ARHGAP6: variants seen among roughly 807,000 people sequenced by gnomAD.
The protein encoded by ARHGAP6 is Rho GTPase activating protein 6, also known as rho GTPase-activating protein 6.
A neutral mutation model predicts 55.7 loss-of-function variants in ARHGAP6; 16 were observed. The ratio of observed to expected loss-of-function variants is 0.29; its 90% confidence interval spans 0.19 to 0.44. The LOEUF (loss-of-function observed/expected upper bound fraction) is 0.44, where lower values mean the gene tolerates loss of function less well. Ranked by LOEUF, ARHGAP6 falls within the 20% of genes least tolerant of loss-of-function variation. The pLI is 1.00. For synonymous variants in ARHGAP6, 382 were observed against 360.9 expected (o/e 1.06, Z -0.66); for missense variants, 698 against 808.9 (o/e 0.86, Z 1.66).
chrX:11,573,156 G>C (rs1288828992), intron 1 of ARHGAP6, among the ~76,000 whole-genome samples: 1 of 110,950 alleles, frequency 9.0e-6, no homozygotes. Flanking sequence ...TCTGATGGTA[G>C]TTTCTTTTGC....
intron 1 of ARHGAP6, among the ~76,000 whole-genome samples, chrX:11,440,935 G>A (rs2050033358): frequency 1.8e-5 from 2 of 111,908 alleles, no homozygotes; most frequent in African/African-American, 3.2e-5. Flanking sequence ...AGATTTGATT[G>A]CCATGCCCAA....
chrX:11,621,523 T>G (rs2052230048), intron 1 of ARHGAP6, among the ~76,000 whole-genome samples: 1 of 111,156 alleles, frequency 9.0e-6, no homozygotes, highest in Non-Finnish European at 1.9e-5. Flanking sequence ...AGGATAAACT[T>G]TAGATTTGAG....
At chrX:11,388,827 T>C (rs2049365823) in intron 1 of ARHGAP6, among the ~76,000 whole-genome samples, 1 of 112,213 alleles carries the variant, frequency 8.9e-6, no homozygotes, top group African/African-American at 3.2e-5. Flanking sequence ...TTTGGGTGGC[T>C]TGTAAACTAT....
chrX:11,355,410 G>C (rs1021516818), intron 1 of ARHGAP6, among the ~76,000 whole-genome samples: 112 of 112,411 alleles, frequency 1.0e-3, no homozygotes, highest in African/African-American at 3.5e-3. Context: ...AGAAACTGAT[G>C]TTGAGACTGA....
Position 11,265,705 on chromosome X carries a change from G to T in ARHGAP6, c.589-10998C>A, listed in dbSNP as rs17321447. Reference sequence around the variant, plus strand: ...GCTTACCCATAAATTATAATCAGCCGCGTCTTTGCTGTCCTCTCTAATCTA... The same window carrying T: ...GCTTACCCATAAATTATAATCAGCCTCGTCTTTGCTGTCCTCTCTAATCTA... On this transcript the variant is annotated intron_variant, in intron 1 of 12. Coordinates refer to ENST00000337414, the MANE Select transcript of ARHGAP6 (RefSeq NM_013427.3). 4.5e-4 allele frequency: 390 copies of T among 873,434 alleles called. 1 individual carries two copies. The highest frequency in any genetic ancestry group is 5.1e-4 in the Non-Finnish European group (366 of 714,045). 72.0% of individuals were successfully genotyped at this position (873,434 alleles called of 1,213,427 possible). A position where few individuals can be genotyped will look rare whatever the true frequency, so the allele number is the denominator to read the frequency against.
chrX:11,328,769 G>A (rs951376126), intron 1 of ARHGAP6, among the ~76,000 whole-genome samples: 25 of 112,149 alleles, frequency 2.2e-4, no homozygotes, highest in African/African-American at 8.1e-4. Context: ...AAACTTTTCA[G>A]TAAAACCTAT....
chrX:11,511,151 T>C (rs754911520), intron 1 of ARHGAP6, among the ~76,000 whole-genome samples: 24 of 112,178 alleles, frequency 2.1e-4, no homozygotes, highest in African/African-American at 5.8e-4. Flanking sequence ...GACACAAACG[T>C]AGAAGAATCA....
chrX:11,479,623 G>A (rs967478087), intron 1 of ARHGAP6, among the ~76,000 whole-genome samples: 1 of 110,666 alleles, frequency 9.0e-6, no homozygotes, highest in Non-Finnish European at 1.9e-5. Context: ...CTCATCTCTC[G>A]CCATCTTGAA....
chrX:11,489,080 A>G (rs1349987564), intron 1 of ARHGAP6, among the ~76,000 whole-genome samples: 1 of 112,533 alleles, frequency 8.9e-6, no homozygotes, highest in Non-Finnish European at 1.9e-5. Flanking sequence ...CTAATGAATC[A>G]TACATGCAAA....
At chrX:11,249,888 A>T (rs761958683) in intron 2 of ARHGAP6, among the ~76,000 whole-genome samples, 56 of 111,390 alleles carry the variant, frequency 5.0e-4, no homozygotes, top group Middle Eastern at 9.2e-3. Flanking sequence ...AGTGTAAAAA[A>T]ATATATATCT....
At chrX:11,592,954 C>T (rs774424100) in intron 1 of ARHGAP6, among the ~76,000 whole-genome samples, 1 of 111,461 alleles carries the variant, frequency 9.0e-6, no homozygotes, top group Non-Finnish European at 1.9e-5. Context: ...TCTAGACAGA[C>T]CCCAGAAGTA....
chrX:11,397,349 A>C (rs2049488905), intron 1 of ARHGAP6, among the ~76,000 whole-genome samples: 1 of 111,724 alleles, frequency 9.0e-6, no homozygotes, highest in African/African-American at 3.3e-5. Context: ...CACATGGGAA[A>C]GGGTAGCCTG....
chrX:11,476,610 A>G, intron 1 of ARHGAP6, among the ~76,000 whole-genome samples: 1 of 111,280 alleles, frequency 9.0e-6, no homozygotes, highest in Non-Finnish European at 1.9e-5. Context: ...AGTGAAAGAC[A>G]GGATGATAAT....
intron 1 of ARHGAP6, among the ~76,000 whole-genome samples, chrX:11,606,565 T>C (rs940083645): frequency 9.0e-6 from 1 of 111,327 alleles, no homozygotes; most frequent in Non-Finnish European, 1.9e-5. Context: ...TAGGGTCACA[T>C]CATTAGTTAA....
At chrX:11,187,106 T>G (rs1214785302) in intron 4 of ARHGAP6, among the ~76,000 whole-genome samples, 1 of 111,454 alleles carries the variant, frequency 9.0e-6, no homozygotes, top group Non-Finnish European at 1.9e-5. Context: ...CTGGGGTATT[T>G]ATACACCAGG....
At chrX:11,474,340 C>A (rs1263022343) in intron 1 of ARHGAP6, among the ~76,000 whole-genome samples, 3 of 111,937 alleles carry the variant, frequency 2.7e-5, no homozygotes, top group Non-Finnish European at 5.6e-5. Flanking sequence ...TAGATCTAAT[C>A]AATGCTTCTT....
intron 1 of ARHGAP6, among the ~76,000 whole-genome samples, chrX:11,327,444 A>C (rs755657378): frequency 8.9e-6 from 1 of 112,527 alleles, no homozygotes; most frequent in South Asian, 3.7e-4. Context: ...AGCCCTTTAA[A>C]GATTGGAAAA....
chrX:11,149,170 A>G (rs1010703557), intron 10 of ARHGAP6, among the ~76,000 whole-genome samples: 2 of 111,914 alleles, frequency 1.8e-5, no homozygotes, highest in African/African-American at 6.5e-5. Flanking sequence ...TGGCAAATGG[A>G]GCACTTATGA....
At chrX:11,479,911 T>C (rs2050439490) in intron 1 of ARHGAP6, among the ~76,000 whole-genome samples, 1 of 111,626 alleles carries the variant, frequency 9.0e-6, no homozygotes. Flanking sequence ...CCCCTTCAAT[T>C]TGGCTCCACA....
Sources: gnomAD v4.1 joint callset for allele counts (sites outside exome capture counted in the v4.1 genomes callset) on GRCh38, gnomAD v4.1.1 for gene constraint, MANE v1.5 for transcripts, NCBI Gene and HGNC (gene_info 2026-07-23, HGNC 2026-07-21) for gene names.